The following RPH3AL variants were observed in gnomAD, a reference collection of about 807,000 sequenced individuals.
RPH3AL encodes the protein rab effector Noc2.
In RPH3AL, 38 loss-of-function variants were observed where a neutral mutation model predicts 43.1. The observed-to-expected ratio is 0.88, with a 90% confidence interval of 0.68 to 1.15. The LOEUF (loss-of-function observed/expected upper bound fraction) is 1.15, where lower values mean the gene tolerates loss of function less well. Ranked by LOEUF, RPH3AL falls within the 50% of genes most tolerant of loss-of-function variation. RPH3AL has a pLI of 0.00. For missense variants in RPH3AL, 462 were observed against 423.2 expected (o/e 1.09, Z -0.81); for synonymous variants, 189 against 176.3 (o/e 1.07, Z -0.57).
At chr17:237,112 C>T (rs1014092538) in intron 7 of RPH3AL, among the ~76,000 whole-genome samples, 3 of 152,138 alleles carry the variant, frequency 2.0e-5, no homozygotes, top group African/African-American at 7.2e-5. Context: ...GGGGTGGGGG[C>T]GGCAGGATCA....
At chr17:242,985 A>C (rs71372188) in intron 7 of RPH3AL, among the ~76,000 whole-genome samples, 3,161 of 64,438 alleles carry the variant, frequency 0.049, 316 homozygotes, top group African/African-American at 0.08. Flanking sequence ...CCTCTATTGA[A>C]TACCTTCCTC....
At position 289,134 on chromosome 17, in the gene RPH3AL, G is replaced by C. The variant is rs1056933545; in HGVS notation, c.352-7280C>G. 6.6e-6 allele frequency among the ~76,000 whole-genome samples: 1 copy of C among 152,150 alleles called. No homozygotes were observed. The highest frequency in any genetic ancestry group is 2.4e-5 in the African/African-American group (1 of 41,412). Reference sequence around the variant, plus strand: ...AACTTGGACTCGGTACTCGCCTTCTGAGCCTCACTTCCTCATCTGTAAGTT... The same window carrying C: ...AACTTGGACTCGGTACTCGCCTTCTCAGCCTCACTTCCTCATCTGTAAGTT... On this transcript the variant is annotated intron_variant, in intron 5 of 9. Coordinates refer to ENST00000331302, the MANE Select transcript of RPH3AL (RefSeq NM_006987.4). This position sits in a 1 kb window ranked among gnomAD's most constrained non-coding sequence, Gnocchi z 5.2.
At position 274,024 on chromosome 17, in the gene RPH3AL, A is replaced by G. The variant is rs935047849; in HGVS notation, c.438+7744T>C. 6.6e-6 allele frequency among the ~76,000 whole-genome samples: 1 copy of G among 152,192 alleles called. No homozygotes were observed. The highest frequency in any genetic ancestry group is 1.5e-5 in the Non-Finnish European group (1 of 68,044). ...GTTTGCAGAATCCTGGGGAATCTAG[A>G]TTCCAGTGAACTTTTCTACTGATTA... On this transcript the variant is annotated intron_variant, in intron 6 of 9. Transcript: ENST00000331302. The surrounding 1 kb of genome is among the most constrained non-coding windows in gnomAD (Gnocchi z 4.7).
Position 223,694 on chromosome 17 carries a change from C to T in RPH3AL, c.614-3958G>A, listed in dbSNP as rs141771774. 9.2e-5 allele frequency among the ~76,000 whole-genome samples: 14 copies of T among 152,294 alleles called. No individual in the cohort carries two copies. In the East Asian group the frequency reaches 1.7e-3, roughly 19 times the overall value. On this transcript the variant is annotated intron_variant, in intron 7 of 9. Transcript: ENST00000331302. ...GTCAGTTATGAAAATCCACCATGGG[C>T]ACTGGGATGAGGAAACGGTAGCTGC...
chr17:305,796 C>T (rs1046743552), intron 5 of RPH3AL, among the ~76,000 whole-genome samples: 3 of 152,122 alleles, frequency 2.0e-5, no homozygotes, highest in Non-Finnish European at 4.4e-5. Flanking sequence ...CGCCCCATGA[C>T]ATCCGCCTCT....
rs2040777440 is a variant in RPH3AL at position 215,595 on chromosome 17, TGA to T, written c.876+57_876+58del. 2 of 1,239,542 alleles carry T rather than the reference TGA, an allele frequency of 1.6e-6. No individual in the cohort carries two copies. Among genetic ancestry groups the T allele is most frequent in the Non-Finnish European group, 1.0e-6 (1 of 983,692 alleles). 76.8% of individuals were successfully genotyped at this position (1,239,542 alleles called of 1,614,324 possible). A position where few individuals can be genotyped will look rare whatever the true frequency, so the allele number is the denominator to read the frequency against. On this transcript the variant is annotated intron_variant, in intron 9 of 9. Coordinates refer to ENST00000331302, the MANE Select transcript of RPH3AL (RefSeq NM_006987.4). The surrounding 1 kb of genome is among the most constrained non-coding windows in gnomAD (Gnocchi z 4.1). Reference sequence around the variant, plus strand: ...CAGTCTCCAGTTTGGGAGGAGTGAGTGAGAGAGGACACGGCCGCGGGGGCAGG... The same window carrying T: ...CAGTCTCCAGTTTGGGAGGAGTGAGTGAGAGGACACGGCCGCGGGGGCAGG...
chr17:331,878 T>G (rs2044778615), intron 2 of RPH3AL: 1 of 1,289,034 alleles, frequency 7.8e-7, no homozygotes, highest in East Asian at 5.5e-5. Flanking sequence ...TATGACCATT[T>G]GTCCTGGACA....
rs952468919 is a variant in RPH3AL at position 283,103 on chromosome 17, A to G, written c.352-1249T>C. 1.3e-5 allele frequency among the ~76,000 whole-genome samples: 2 copies of G among 152,134 alleles called. No individual in the cohort carries two copies. The highest frequency in any genetic ancestry group is 4.8e-5 in the African/African-American group (2 of 41,430). On this transcript the variant is annotated intron_variant, in intron 5 of 9. Coordinates refer to ENST00000331302, the MANE Select transcript of RPH3AL (RefSeq NM_006987.4). This position sits in a 1 kb window ranked among gnomAD's most constrained non-coding sequence, Gnocchi z 4.2. ...GGCGACTCCTCAGGACTGTTGCCCC[A>G]GCTCATCCATCTTTCTGCCACACGG...
In RPH3AL at chr17:333,579, T is replaced by A. The variant is rs1013096160; in HGVS notation, c.-37+180A>T. 2.4e-5 allele frequency: 7 copies of A among 288,530 alleles called. No individual in the cohort carries two copies. The highest frequency in any genetic ancestry group is 3.5e-5 in the Non-Finnish European group (5 of 144,330). 17.9% of individuals were successfully genotyped at this position (288,530 alleles called of 1,614,324 possible). On this transcript the variant is annotated intron_variant, in intron 2 of 9. Transcript: ENST00000331302. This position sits in a 1 kb window ranked among gnomAD's most constrained non-coding sequence, Gnocchi z 4.5. ...ATGATTTTAAACTATAACTTAGTAT[T>A]CTGAATACAATACGTTTTACCATCT... is the stretch of plus-strand genomic sequence containing the variant.
At chr17:227,503 G>A (rs546426248) in intron 7 of RPH3AL, among the ~76,000 whole-genome samples, 1 of 152,288 alleles carries the variant, frequency 6.6e-6, no homozygotes, top group Admixed American at 6.5e-5. Flanking sequence ...TCCAGGCTCT[G>A]CTCAGCCACC....
intron 2 of RPH3AL, chr17:332,153 G>A (rs538280740): frequency 1.8e-5 from 6 of 339,114 alleles, no homozygotes; most frequent in East Asian, 7.8e-5. Context: ...GACACAGGAG[G>A]TTCTGTGGAC....
intron 6 of RPH3AL, among the ~76,000 whole-genome samples, chr17:268,409 A>G (rs1214498675): frequency 6.6e-6 from 1 of 152,192 alleles, no homozygotes; most frequent in Non-Finnish European, 1.5e-5. Context: ...ATTTTATTGT[A>G]AGAATATAGT....
At chr17:214,636 G>A (rs1273580595) in intron 9 of RPH3AL, 5 of 152,552 alleles carry the variant, frequency 3.3e-5, no homozygotes, top group Non-Finnish European at 1.5e-5. Flanking sequence ...CGGGCATGGT[G>A]GCACTTGCCT....
intron 3 of RPH3AL, among the ~76,000 whole-genome samples, chr17:324,690 T>TCTAG (rs1321389932): frequency 1.0e-3 from 152 of 149,802 alleles, no homozygotes; most frequent in African/African-American, 3.6e-3. Context: ...TTTCTATCTA[T>TCTAG]CTAGCTAGCT....
intron 7 of RPH3AL, among the ~76,000 whole-genome samples, chr17:231,997 A>G (rs568600889): frequency 1.1e-4 from 17 of 152,360 alleles, no homozygotes; most frequent in Non-Finnish European, 2.2e-4. Context: ...TGCTCAGGAC[A>G]TCTGTTCTGG....
rs959838010 is a variant in RPH3AL at position 322,503 on chromosome 17, G to A, written c.78-1088C>T. ...TCTACGCATTACCAAGTACCCGCTGGGACGCCTGGCCTCTTAGGTGCCCGG... is the reference window on the plus strand; with the variant it reads ...TCTACGCATTACCAAGTACCCGCTGAGACGCCTGGCCTCTTAGGTGCCCGG... On this transcript the variant is annotated intron_variant, in intron 3 of 9. Transcript: ENST00000331302. This position sits in a 1 kb window ranked among gnomAD's most constrained non-coding sequence, Gnocchi z 4.0. 3.9e-5 allele frequency: 6 copies of A among 152,194 alleles called. No individual in the cohort carries two copies. Among genetic ancestry groups the A allele is most frequent in the African/African-American group, 1.4e-4 (6 of 41,444 alleles). 9.4% of individuals were successfully genotyped at this position (152,194 alleles called of 1,614,324 possible).
In RPH3AL at chr17:332,284, G is replaced by C. The variant is rs2044796616; in HGVS notation, c.-37+1475C>G. 12 of 265,722 alleles carry C rather than the reference G, an allele frequency of 4.5e-5. No individual in the cohort carries two copies. In the South Asian group the frequency reaches 5.5e-4, roughly 12 times the overall value. The allele number at this position is 265,722 out of a possible 1,614,324, so 16.5% of individuals were successfully genotyped here. On this transcript the variant is annotated intron_variant, in intron 2 of 9. Transcript: ENST00000331302. The stretch of plus-strand genomic sequence containing the variant: ...AGAGGCTGGGGAAGGAGGAGCGTGT[G>C]TGTGTGCGCGTGTGTGTGTACAGGA...
chr17:347,848 G>C (rs2045270088), intron 1 of RPH3AL, among the ~76,000 whole-genome samples: 1 of 151,684 alleles, frequency 6.6e-6, no homozygotes, highest in Non-Finnish European at 1.5e-5. Flanking sequence ...TCATACGATG[G>C]AACAGAATTC....
intron 5 of RPH3AL, among the ~76,000 whole-genome samples, chr17:317,501 T>C (rs1289998569): frequency 2.0e-5 from 3 of 147,350 alleles, no homozygotes; most frequent in Non-Finnish European, 4.5e-5. Flanking sequence ...CATTGACCTG[T>C]AGTCCCTGTG....
Sources: allele counts gnomAD v4.1 joint callset (sites outside exome capture counted in the v4.1 genomes callset), GRCh38; gene constraint gnomAD v4.1.1; non-coding constraint Gnocchi (gnomAD v3.1); transcripts MANE v1.5; gene names NCBI Gene and HGNC (gene_info 2026-07-23, HGNC 2026-07-21).